The following ADGRB1 variants were observed in gnomAD, a reference collection of about 807,000 sequenced individuals.
ADGRB1 encodes adhesion G protein-coupled receptor B1, also known as brain-specific angiogenesis inhibitor 1.
In ADGRB1, 36 loss-of-function variants were observed where a neutral mutation model predicts 175.7. The ratio of observed to expected loss-of-function variants is 0.20; its 90% CI spans 0.16 to 0.27. The LOEUF is 0.27. Among genes scored for constraint, ADGRB1 ranks in the 10% least tolerant of loss-of-function variants. The pLI is 1.00. For missense variants in ADGRB1, 1,731 were observed against 2,255.3 expected, an observed-to-expected ratio of 0.77 and a Z score of 4.71; for synonymous variants, 1,054 against 979.4, an observed-to-expected ratio of 1.08 and a Z score of -1.42.
At position 142,478,189 on chromosome 8, in the gene ADGRB1, C is replaced by T. The variant is rs747421642; in HGVS notation, c.1390C>T (p.Arg464Trp). 4.7e-5 allele frequency: 76 copies of T among 1,602,906 alleles called. No individual in the cohort carries two copies. Among genetic ancestry groups the T allele is most frequent in the Non-Finnish European group, 6.0e-5 (70 of 1,175,656 alleles). ...TTTGTGTCTCCTTCCTCCCCCGGGC[C>T]GGGCAGTGGATGGAAACTGGAATGA... ...KFCNIALCPG[R>W]AVDGNWNEWS... is the part of the protein sequence containing the mutation. Residue 464 changes from arginine (R) to tryptophan (W), a missense_variant and splice_region_variant, in exon 7 of 31, where the codon CGG (arginine) becomes TGG (tryptophan). Arg to Trp is a moderately radical substitution (Grantham distance 101). This residue lies in a region of ADGRB1 where 388 missense variants were observed against 630.9 expected (regional missense o/e 0.61). Transcript: ENST00000517894.
rs1467157645 is a variant in ADGRB1 at position 142,544,522 on chromosome 8, C to T, written c.*105C>T. The T allele has an allele frequency of 1.0e-5, 13 of 1,299,284 alleles. No homozygotes were observed. Among genetic ancestry groups the T allele is most frequent in the East Asian group, 9.2e-5 (3 of 32,528 alleles). 80.5% of individuals were successfully genotyped at this position (1,299,284 alleles called of 1,614,324 possible). A position where few individuals can be genotyped will look rare whatever the true frequency, so the allele number is the denominator to read the frequency against. On this transcript the variant is annotated 3_prime_UTR_variant, in exon 31 of 31. Transcript: ENST00000517894. ...ACGCTCGCGGGCAGCGGGCCAGGCC[C>T]GCACCCCGGCCTCAGGGCGCTCAGA...
At position 142,510,838 on chromosome 8, in the gene ADGRB1, G is replaced by A. The variant is rs1316865902; in HGVS notation, c.2676-94G>A. The A allele has an allele frequency of 3.1e-6, 2 of 649,416 alleles. No homozygotes were observed. Among genetic ancestry groups the A allele is most frequent in the East Asian group, 2.8e-4 (2 of 7,196 alleles). The allele number at this position is 649,416 out of a possible 1,614,324, so 40.2% of individuals were successfully genotyped here. ...GGGCGGCGGGCCGGGGCCGGGGCCG[G>A]GGCGCGGAGCCGCCGCTCGGGGGCC... On this transcript the variant is annotated intron_variant, in intron 17 of 30. Transcript: ENST00000517894. The surrounding 1 kb of genome is among the most constrained non-coding windows in gnomAD (Gnocchi z 6.3).
chr8:142,513,267 A>G (rs1457117403), intron 18 of ADGRB1, among the ~76,000 whole-genome samples: 1 of 152,154 alleles, frequency 6.6e-6, no homozygotes, highest in Non-Finnish European at 1.5e-5. Flanking sequence ...GCTCTGCCGC[A>G]AGGGCAGACC....
At chr8:142,535,538 G>A (rs1844874344) in intron 25 of ADGRB1, among the ~76,000 whole-genome samples, 1 of 152,194 alleles carries the variant, frequency 6.6e-6, no homozygotes, top group Non-Finnish European at 1.5e-5. Context: ...CTCGGGGGTG[G>A]TGGCCAGGGC....
At chr8:142,515,192 G>A (rs1843345324) in intron 18 of ADGRB1, among the ~76,000 whole-genome samples, 1 of 152,214 alleles carries the variant, frequency 6.6e-6, no homozygotes, top group Non-Finnish European at 1.5e-5. Flanking sequence ...GGTCAGGGAA[G>A]GCGTGCAGGG....
intron 2 of ADGRB1, 26 bp downstream of exon 2, chr8:142,465,008 G>C (rs930986556): frequency 5.5e-6 from 8 of 1,448,110 alleles, no homozygotes; most frequent in African/African-American, 3.0e-5. Flanking sequence ...GGAAACCTTC[G>C]GACAGGGGAG....
At chr8:142,523,254 C>T (rs901259149) in intron 22 of ADGRB1, among the ~76,000 whole-genome samples, 3 of 151,772 alleles carry the variant, frequency 2.0e-5, no homozygotes, top group African/African-American at 4.8e-5. Flanking sequence ...TATGGTTCAC[C>T]GGGTAGGGAG....
At chr8:142,516,118 G>C (rs1843398082) in intron 18 of ADGRB1, among the ~76,000 whole-genome samples, 1 of 152,204 alleles carries the variant, frequency 6.6e-6, no homozygotes, top group Non-Finnish European at 1.5e-5. Flanking sequence ...GCGAGTGCCA[G>C]GTGTGGGGGG....
rs767491237 is a variant in ADGRB1 at position 142,524,334 on chromosome 8, C to T, written c.3312+30C>T. ...TGACCCGCCCAGGCCCCACTCCCCA[C>T]GACCCCACCTGGGCCCCCCACCTGC... On this transcript the variant is annotated intron_variant, in intron 23 of 30. Coordinates refer to ENST00000517894, the MANE Select transcript of ADGRB1 (RefSeq NM_001702.3). 2.6e-5 allele frequency: 40 copies of T among 1,561,908 alleles called. No homozygotes were observed. In the East Asian group the frequency reaches 4.7e-4, roughly 18 times the overall value.
Position 142,542,773 on chromosome 8 carries a change from C to T in ADGRB1, c.4413+126C>T. The T allele has an allele frequency of 1.2e-6, 1 of 839,700 alleles. No individual in the cohort carries two copies. The highest frequency in any genetic ancestry group is 1.8e-5 in the South Asian group (1 of 54,488). The allele number at this position is 839,700 out of a possible 1,614,324, so 52.0% of individuals were successfully genotyped here. On this transcript the variant is annotated intron_variant, in intron 28 of 30. Coordinates refer to ENST00000517894, the MANE Select transcript of ADGRB1 (RefSeq NM_001702.3). The surrounding 1 kb of genome is among the most constrained non-coding windows in gnomAD (Gnocchi z 6.3). Reference sequence around the variant, plus strand: ...GGGCTGGCTCTGCCTCCTAGCTACACCCCCCACCCCTGGCCCTGCTGGGTG... The same window carrying T: ...GGGCTGGCTCTGCCTCCTAGCTACATCCCCCACCCCTGGCCCTGCTGGGTG...
At chr8:142,452,233 C>A (rs541155043) in intron 1 of ADGRB1, among the ~76,000 whole-genome samples, 1 of 152,212 alleles carries the variant, frequency 6.6e-6, no homozygotes, top group Non-Finnish European at 1.5e-5. Context: ...GGAGACCCGG[C>A]GGCTGAGGGC....
intron 26 of ADGRB1, among the ~76,000 whole-genome samples, chr8:142,538,225 C>G (rs1283133780): frequency 1.3e-5 from 2 of 152,238 alleles, no homozygotes; most frequent in African/African-American, 2.4e-5. Flanking sequence ...CTCTGCACGG[C>G]TGGTGCGCGG....
intron 25 of ADGRB1, among the ~76,000 whole-genome samples, chr8:142,534,274 A>ACT (rs1180773758): frequency 1.3e-5 from 2 of 152,214 alleles, no homozygotes; most frequent in African/African-American, 4.8e-5. Flanking sequence ...CAGGAAGGTC[A>ACT]GGCGTGGGAG....
At position 142,481,343 on chromosome 8, in the gene ADGRB1, A is replaced by G. The variant is rs1841325253; in HGVS notation, c.1918A>G (p.Arg640Gly). ...CATCCGCTGTGTTTCCATTGACTACAGAAACATCCAGATGATGGTGAGGGC... is the reference window on the plus strand; with the variant it reads ...CATCCGCTGTGTTTCCATTGACTACGGAAACATCCAGATGATGGTGAGGGC... ...TYIRCVSIDYRNIQMMTREHL... is the reference protein window; with the variant it reads ...TYIRCVSIDYGNIQMMTREHL... The change falls in exon 10 of 31, where the codon AGA becomes GGA. Residue 640 changes from arginine to glycine, a missense_variant. Physicochemically the swap from Arg to Gly is moderately radical, Grantham distance 125. Transcript: ENST00000517894. 1.2e-6 allele frequency: 2 copies of G among 1,613,810 alleles called. No homozygotes were observed. Among genetic ancestry groups the G allele is most frequent in the Non-Finnish European group, 1.7e-6 (2 of 1,179,860 alleles).
chr8:142,464,757 C>T lies in ADGRB1; in HGVS notation c.559C>T (p.Gln187Ter), dbSNP rs1373662993. Residue 187 changes from glutamine to a stop codon, truncating the protein, a stop_gained, in exon 2 of 31, where the codon CAG becomes TAG. Transcript: ENST00000517894. LOFTEE classifies it high-confidence loss of function. ...GNRNPSRAAC[Q>*]MLCRWLDACL... is the part of the protein sequence containing the mutation. ...CCGCAACCCCAGCCGTGCCGCCTGCCAGATGCTGTGCCGCTGGCTGGACGC... is the reference window on the plus strand; with the variant it reads ...CCGCAACCCCAGCCGTGCCGCCTGCTAGATGCTGTGCCGCTGGCTGGACGC... The T allele has an allele frequency of 6.5e-7, 1 of 1,534,996 alleles. No individual in the cohort carries two copies. The highest frequency in any genetic ancestry group is 8.7e-7 in the Non-Finnish European group (1 of 1,145,738).
chr8:142,521,215 G>T (rs373432644), intron 20 of ADGRB1, among the ~76,000 whole-genome samples: 1 of 152,180 alleles, frequency 6.6e-6, no homozygotes, highest in African/African-American at 2.4e-5. Context: ...TGTGGGCAGT[G>T]GACTCGGCCT....
chr8:142,463,732 G>C (rs1320983426), intron 1 of ADGRB1, among the ~76,000 whole-genome samples: 1 of 152,272 alleles, frequency 6.6e-6, no homozygotes, highest in Non-Finnish European at 1.5e-5. Flanking sequence ...GGCTTGGGTG[G>C]AGGCGGAGGT....
At position 142,464,507 on chromosome 8, in the gene ADGRB1, G is replaced by A. The variant is rs769428169; in HGVS notation, c.309G>A (p.Gln103=). 6.3e-7 allele frequency: 1 copy of A among 1,580,748 alleles called. No homozygotes were observed. The highest frequency in any genetic ancestry group is 1.2e-5 in the South Asian group (1 of 86,484). ...CSGPGRVRTY[Q]FDSFLESTRT... ...GCCCCGGCCGCGTGCGCACCTACCA[G>A]TTCGACTCCTTCCTCGAGTCCACGC... The change falls in exon 2 of 31, where the codon CAG becomes CAA. Residue 103 remains glutamine (Q), a synonymous_variant. Coordinates refer to ENST00000517894, the MANE Select transcript of ADGRB1 (RefSeq NM_001702.3).
rs1301624869 is a variant in ADGRB1, at chr8:142,463,980, C to T, written c.-219C>T. On this transcript the variant is annotated splice_region_variant and 5_prime_UTR_variant, in exon 2 of 31. Coordinates refer to ENST00000517894, the MANE Select transcript of ADGRB1 (RefSeq NM_001702.3). ...TGACCCTCTGCTCTTTCTCTTCCAG[C>T]TGCTGCTGGTGGCCACAGGCTGGCA... 5 of 371,580 alleles carry T rather than the reference C, an allele frequency of 1.3e-5. No homozygotes were observed. In the East Asian group the frequency reaches 2.1e-4, roughly 16 times the overall value. 23.0% of individuals were successfully genotyped at this position (371,580 alleles called of 1,614,324 possible). A position where few individuals can be genotyped will look rare whatever the true frequency, so the allele number is the denominator to read the frequency against.
Sources: gnomAD v4.1 joint callset for allele counts (sites outside exome capture counted in the v4.1 genomes callset) on GRCh38, gnomAD v4.1.1 for gene constraint, gnomAD v4.1.1 regional missense constraint, Gnocchi (gnomAD v3.1) non-coding constraint, MANE v1.5 for transcripts, NCBI Gene and HGNC (gene_info 2026-07-23, HGNC 2026-07-21) for gene names.